Variants in C2CD5 observed in about 807,000 individuals in gnomAD.
C2CD5 encodes the protein C2 calcium dependent domain containing 5.
A neutral mutation model predicts 130.3 loss-of-function variants in C2CD5; 109 were observed. That is an observed-to-expected ratio of 0.84 (90% confidence interval 0.72 to 0.98). C2CD5 has a LOEUF of 0.98. Ranked by LOEUF, C2CD5 falls within the 50% of genes least tolerant of loss-of-function variation. C2CD5 has a pLI of 0.00. For missense variants in C2CD5, 996 were observed against 1,261.8 expected, an observed-to-expected ratio of 0.79 and a Z score of 3.19; for synonymous variants, 454 against 429.2, an observed-to-expected ratio of 1.06 and a Z score of -0.71.
chr12:22,530,624 AT>A (rs1189765969), intron 3 of C2CD5, among the ~76,000 whole-genome samples: 1 of 151,702 alleles, frequency 6.6e-6, no homozygotes, highest in Non-Finnish European at 1.5e-5. Flanking sequence ...CACCCGGCTA[AT>A]TTTTGTATTT....
intron 9 of C2CD5, among the ~76,000 whole-genome samples, chr12:22,510,140 G>C (rs1285829336): frequency 1.3e-5 from 2 of 152,266 alleles, no homozygotes; most frequent in East Asian, 3.9e-4. Flanking sequence ...TGGAGGCGGA[G>C]GTTGCAGTGA....
intron 4 of C2CD5, among the ~76,000 whole-genome samples, chr12:22,527,473 C>T (rs1200760666): frequency 6.6e-6 from 1 of 151,766 alleles, no homozygotes; most frequent in East Asian, 1.9e-4. Context: ...CATGCACCAC[C>T]ATGCCCAGCT....
chr12:22,459,204 C>T, intron 23 of C2CD5, among the ~76,000 whole-genome samples: 1 of 152,078 alleles, frequency 6.6e-6, no homozygotes, highest in Middle Eastern at 3.4e-3. Context: ...CACAAGTTCC[C>T]CCTTTTAAAA....
chr12:22,527,854 GATCTGTAAAGGTTC>G lies in C2CD5; in HGVS notation c.202_215del (p.Glu68HisfsTer4), dbSNP rs1565797553. 1 of 1,610,830 alleles carries G rather than the reference GATCTGTAAAGGTTC, an allele frequency of 6.2e-7. No individual in the cohort carries two copies. Among genetic ancestry groups the G allele is most frequent in the African/African-American group, 1.3e-5 (1 of 74,910 alleles). On this transcript the variant is annotated frameshift_variant, in exon 4 of 27. Transcript: ENST00000446597. LOFTEE classifies it high-confidence loss of function. ...TGTAAGTATCATGGTCAAGAACTGT[GATCTGTAAAGGTTC>G]ATCTTGTAAGTCTTCATCATCCACC...
In C2CD5 at chr12:22,475,520, T is replaced by A. The variant is rs140101150; in HGVS notation, c.1903-629A>T. Among the ~76,000 whole-genome samples the A allele has an allele frequency of 1.1e-4, 16 of 152,282 alleles. 1 individual carries two copies. In the East Asian group the frequency reaches 3.1e-3, roughly 29 times the overall value. ...TTGCTGTTACATAGCCAAAGATCAC[T>A]AGGGGTTCTAAGTGTCTGTCGGCCA... On this transcript the variant is annotated intron_variant, in intron 15 of 26. Transcript: ENST00000446597.
intron 16 of C2CD5, among the ~76,000 whole-genome samples, chr12:22,474,288 A>G (rs530644723): frequency 7.2e-4 from 109 of 152,264 alleles, no homozygotes; most frequent in African/African-American, 2.1e-3. Flanking sequence ...AAAGTTACTA[A>G]AGTGTTCTTA....
chr12:22,459,966 A>G (rs1170723312), intron 22 of C2CD5, among the ~76,000 whole-genome samples: 2 of 152,252 alleles, frequency 1.3e-5, no homozygotes, highest in Non-Finnish European at 2.9e-5. Flanking sequence ...CAAATTACAG[A>G]CAAGATAATG....
intron 2 of C2CD5, among the ~76,000 whole-genome samples, chr12:22,543,377 T>C (rs1001360417): frequency 8.5e-5 from 13 of 152,218 alleles, no homozygotes; most frequent in African/African-American, 3.1e-4. Flanking sequence ...ACTTCCTACC[T>C]CAAGGCGCTA....
At chr12:22,471,012 C>T (rs2136170645) in intron 20 of C2CD5, 101 bp from the exon 21 acceptor site, 1 of 701,902 alleles carries the variant, frequency 1.4e-6, no homozygotes, top group East Asian at 2.7e-5. Context: ...ACACCAAATA[C>T]CTTTTCTGGT....
intron 2 of C2CD5, among the ~76,000 whole-genome samples, chr12:22,540,475 T>C (rs1952257162): frequency 6.6e-6 from 1 of 152,200 alleles, no homozygotes; most frequent in Non-Finnish European, 1.5e-5. Flanking sequence ...TCCAGTACAG[T>C]GTCTAATACA....
At chr12:22,521,129 ATAAT>A (rs570582589) in intron 7 of C2CD5, among the ~76,000 whole-genome samples, 15 of 152,292 alleles carry the variant, frequency 9.8e-5, no homozygotes, top group African/African-American at 3.1e-4. Context: ...ACAATATTAC[ATAAT>A]TAAATACCAG....
At chr12:22,498,679 G>A (rs532208247) in intron 10 of C2CD5, among the ~76,000 whole-genome samples, 6 of 152,160 alleles carry the variant, frequency 3.9e-5, no homozygotes, top group African/African-American at 1.4e-4. Flanking sequence ...AAAAACTTAA[G>A]TATAATATGT....
intron 9 of C2CD5, chr12:22,512,567 T>A (rs372379013): frequency 9.5e-6 from 10 of 1,049,034 alleles, no homozygotes; most frequent in Non-Finnish European, 1.3e-5. Flanking sequence ...TAAGATTAAA[T>A]AAAATTTAAA....
chr12:22,501,344 T>C (rs983406354), intron 10 of C2CD5, among the ~76,000 whole-genome samples: 4 of 152,144 alleles, frequency 2.6e-5, no homozygotes, highest in African/African-American at 7.2e-5. Context: ...ACTATGTCTA[T>C]AAGATTTAAT....
chr12:22,510,923 G>A (rs1226528966), intron 9 of C2CD5, among the ~76,000 whole-genome samples: 2 of 152,128 alleles, frequency 1.3e-5, no homozygotes, highest in Non-Finnish European at 2.9e-5. Context: ...TTGAGCCCAG[G>A]AGTTCGAAAC....
At position 22,533,993 on chromosome 12, in the gene C2CD5, C is replaced by A. The variant is rs189977188; in HGVS notation, c.177+1265G>T. On this transcript the variant is annotated intron_variant, in intron 3 of 26. Coordinates refer to ENST00000446597, the MANE Select transcript of C2CD5 (RefSeq NM_001286176.2). ...TTGAGGTCAGGAGTTTGAGACCAGC[C>A]GGGCCAACAGGGCAAAACCCCATCT... Among the ~76,000 whole-genome samples the A allele has an allele frequency of 2.9e-3, 448 of 152,252 alleles. 1 individual carries two copies. Among genetic ancestry groups the A allele is most frequent in the Non-Finnish European group, 4.6e-3 (312 of 68,018 alleles).
At position 22,523,443 on chromosome 12, in the gene C2CD5, T is replaced by C. The variant is rs1226486295; in HGVS notation, c.783A>G (p.Pro261=). The C allele has an allele frequency of 3.1e-6, 5 of 1,613,330 alleles. No homozygotes were observed. Among genetic ancestry groups the C allele is most frequent in the Non-Finnish European group, 4.2e-6 (5 of 1,179,416 alleles). ...ATACTTACTCCTTCATTTCTTTGGA[T>C]GGGGAATTACATGCAGGAAGGAATG... The part of the protein sequence containing the change: ...PAAFLPACNS[P]SKEMKEIPFN... Residue 261 remains proline (P), a synonymous_variant, in exon 7 of 27, where the codon CCA becomes CCG. Coordinates refer to ENST00000446597, the MANE Select transcript of C2CD5 (RefSeq NM_001286176.2).
chr12:22,474,793 T>C lies in C2CD5; in HGVS notation c.2001A>G (p.Glu667=). 6.2e-7 allele frequency: 1 copy of C among 1,611,206 alleles called. No homozygotes were observed. The highest frequency in any genetic ancestry group is 8.5e-7 in the Non-Finnish European group (1 of 1,178,368). The stretch of plus-strand genomic sequence containing the variant: ...CTTTTTTCCCATGTGAAAGGTCTAA[T>C]TCTGTAACTTCATCCGAGCTTTCTG... ...SQSESSDEVT[E]LDLSHGKKDA... The change falls in exon 16 of 27, where the codon GAA becomes GAG. Residue 667 remains glutamate, a synonymous_variant. Transcript: ENST00000446597.
intron 21 of C2CD5, among the ~76,000 whole-genome samples, chr12:22,470,603 T>C (rs887577509): frequency 1.3e-5 from 2 of 152,088 alleles, no homozygotes; most frequent in Non-Finnish European, 2.9e-5. Flanking sequence ...AGCAGCATTC[T>C]CTATGTAAAC....
Sources: allele counts gnomAD v4.1 joint callset (sites outside exome capture counted in the v4.1 genomes callset), GRCh38; gene constraint gnomAD v4.1.1; transcripts MANE v1.5; gene names NCBI Gene and HGNC (gene_info 2026-07-23, HGNC 2026-07-21).